ANK2: variants seen among roughly 807,000 people sequenced by gnomAD.
ANK2 encodes the protein ankyrin 2, also known as ankyrin-2.
Under a neutral mutation model 360.5 loss-of-function variants are expected in ANK2, and 83 were observed. The ratio of observed to expected loss-of-function variants is 0.23; its 90% confidence interval spans 0.19 to 0.28. ANK2 has a LOEUF of 0.28. Among genes scored for constraint, ANK2 ranks in the 10% least tolerant of loss-of-function variants. ANK2 has a pLI of 1.00. For synonymous variants in ANK2, 1,740 were observed against 1,759.5 expected (o/e 0.99, Z 0.28); for missense variants, 4,201 against 4,795.7 (o/e 0.88, Z 3.66).
the ANK2 span, among the ~76,000 whole-genome samples, chr4:112,742,676 T>G: frequency 1.3e-5 from 2 of 151,988 alleles, no homozygotes; most frequent in African/African-American, 4.8e-5. Flanking sequence ...AAAATTCCAT[T>G]ATAATCATTT....
chr4:113,285,380 A>G (rs1378732177), intron 18 of ANK2, among the ~76,000 whole-genome samples: 1 of 152,100 alleles, frequency 6.6e-6, no homozygotes, highest in Non-Finnish European at 1.5e-5. Context: ...CTGCACAGAC[A>G]CCAATCACAA....
At position 112,939,455 on chromosome 4, in the gene ANK2, G is replaced by A. The variant is rs561721712; in HGVS notation, c.21+34941G>A. ...CTCCCAAGTAGCTGGGATTACAGGCGTGTGCCACCATGCCTGGCTAATTTT... is the reference window on the plus strand; with the variant it reads ...CTCCCAAGTAGCTGGGATTACAGGCATGTGCCACCATGCCTGGCTAATTTT... On this transcript the variant is annotated intron_variant, in intron 2 of 30. Transcript: ENST00000503271. Among the ~76,000 whole-genome samples, 283 of 150,540 alleles carry A rather than the reference G, an allele frequency of 1.9e-3. 1 individual carries two copies. Among genetic ancestry groups the A allele is most frequent in the Admixed American group, 5.4e-3 (82 of 15,140 alleles).
intron 7 of ANK2, among the ~76,000 whole-genome samples, chr4:113,239,286 A>T (rs960936435): frequency 1.3e-5 from 2 of 152,182 alleles, no homozygotes; most frequent in African/African-American, 4.8e-5. Flanking sequence ...TTGCTACAGT[A>T]AGAGCACAAA....
At chr4:113,287,409 C>T (rs1250041256) in intron 18 of ANK2, among the ~76,000 whole-genome samples, 196 bp from the exon 19 acceptor site, 1 of 152,078 alleles carries the variant, frequency 6.6e-6, no homozygotes, top group East Asian at 1.9e-4. Flanking sequence ...TGTTGATTGA[C>T]TTAGAGGACA....
chr4:112,803,053 A>G, the ANK2 span, among the ~76,000 whole-genome samples: 1 of 152,178 alleles, frequency 6.6e-6, no homozygotes, highest in Non-Finnish European at 1.5e-5. Flanking sequence ...TTAGTGATTT[A>G]TATTCTCTGA....
At chr4:112,939,430 C>T (rs560249603) in intron 2 of ANK2, among the ~76,000 whole-genome samples, 9 of 152,218 alleles carry the variant, frequency 5.9e-5, no homozygotes, top group African/African-American at 1.9e-4. Context: ...CTGTCTCAGC[C>T]TCCCAAGTAG....
intron 1 of ANK2, among the ~76,000 whole-genome samples, chr4:113,100,556 A>T (rs968398639): frequency 3.3e-5 from 5 of 152,138 alleles, no homozygotes; most frequent in Admixed American, 6.6e-5. Context: ...CCACTTGGGA[A>T]ATCAACTTGG....
chr4:112,891,553 A>C (rs1379164832), intron 1 of ANK2, among the ~76,000 whole-genome samples: 2 of 152,218 alleles, frequency 1.3e-5, no homozygotes, highest in African/African-American at 4.8e-5. Context: ...AATATGGCTT[A>C]GTAGTTAGAA....
chr4:112,740,995 A>T, the ANK2 span, among the ~76,000 whole-genome samples: 73 of 141,296 alleles, frequency 5.2e-4, no homozygotes, highest in Non-Finnish European at 7.5e-4. Context: ...TCTCAAAAAA[A>T]TTTTTTTTTT....
intron 2 of ANK2, among the ~76,000 whole-genome samples, chr4:112,968,997 G>A (rs1483990798): frequency 6.6e-6 from 1 of 152,136 alleles, no homozygotes; most frequent in Non-Finnish European, 1.5e-5. Context: ...TATTCAGCTA[G>A]CCCTGTGTAT....
intron 2 of ANK2, among the ~76,000 whole-genome samples, chr4:112,984,691 T>C (rs2044263975): frequency 6.6e-6 from 1 of 152,196 alleles, no homozygotes; most frequent in African/African-American, 2.4e-5. Flanking sequence ...TAAAGAGGAA[T>C]GGATGTGTAG....
chr4:113,313,847 G>A (rs1490588867), intron 24 of ANK2, among the ~76,000 whole-genome samples: 1 of 152,120 alleles, frequency 6.6e-6, no homozygotes, highest in South Asian at 2.1e-4. Context: ...TAGAATTATG[G>A]ATTTATTCTA....
At chr4:112,894,421 A>T (rs1017353501) in intron 1 of ANK2, among the ~76,000 whole-genome samples, 5 of 152,194 alleles carry the variant, frequency 3.3e-5, no homozygotes, top group Admixed American at 3.3e-4. Flanking sequence ...ATACATACAT[A>T]TATATTATTT....
chr4:113,053,119 G>T (rs797012949), intron 1 of ANK2, among the ~76,000 whole-genome samples: 24 of 152,266 alleles, frequency 1.6e-4, no homozygotes, highest in African/African-American at 5.8e-4. Context: ...GGTCAGAGTG[G>T]CCTTGTCTGA....
chr4:113,147,384 A>G (rs1271966123), intron 1 of ANK2, among the ~76,000 whole-genome samples: 1 of 152,232 alleles, frequency 6.6e-6, no homozygotes, highest in Non-Finnish European at 1.5e-5. Flanking sequence ...AAGTATCATT[A>G]CTACTAGTTC....
At position 113,277,888 on chromosome 4, in the gene ANK2, G is replaced by T; in HGVS notation, c.1735G>T (p.Ala579Ser). The change falls in exon 16 of 46, where the codon GCA (alanine) becomes TCA (serine). Residue 579 changes from alanine (A) to serine (S), a missense_variant. By Grantham distance (99) the Ala-to-Ser change is moderately conservative. Coordinates refer to ENST00000357077, the MANE Select transcript of ANK2 (RefSeq NM_001148.6). ...VAAKYGSLDV[A>S]KLLLQRRAAA... is the part of the protein sequence containing the mutation. ...AGCCAAGTATGGAAGCCTGGATGTGGCAAAACTTCTCTTGCAACGCCGTGC... is the reference window on the plus strand; with the variant it reads ...AGCCAAGTATGGAAGCCTGGATGTGTCAAAACTTCTCTTGCAACGCCGTGC... 1 of 1,614,076 alleles carries T rather than the reference G, an allele frequency of 6.2e-7. No homozygotes were observed. The highest frequency in any genetic ancestry group is 2.2e-5 in the East Asian group (1 of 44,878).
Position 113,353,372 on chromosome 4 carries a change from G to C in ANK2, c.4754G>C (p.Arg1585Thr), listed in dbSNP as rs1217554626. 6 of 1,614,122 alleles carry C rather than the reference G, an allele frequency of 3.7e-6. No homozygotes were observed. The highest frequency in any genetic ancestry group is 5.1e-6 in the Non-Finnish European group (6 of 1,179,970). ...AGTGTGCAGAGCTCTCGGTCTGAGA[G>C]AGGATTAGTTGAAGAGGAATGGGTT... Reference protein sequence around the residue: ...ESSVQSSRSERGLVEEEWVIV... With the variant: ...ESSVQSSRSETGLVEEEWVIV... Residue 1585 changes from arginine to threonine, a missense_variant, in exon 38 of 46, where the codon AGA becomes ACA. Transcript: ENST00000357077.
In ANK2 at chr4:112,826,847, C is replaced by T. The variant is rs952478560; in HGVS notation, c.-40+8583C>T. On this transcript the variant is annotated intron_variant, in intron 1 of 30. Transcript: ENST00000503271. ...AAGTAAAAGAGAATGGAACAATATG[C>T]TTCAGGGATGAAGATGACATCAATG... is the stretch of plus-strand genomic sequence containing the variant. 9 of 1,372,352 alleles carry T rather than the reference C, an allele frequency of 6.6e-6. No individual in the cohort carries two copies. The Admixed American group carries it at 1.4e-4, about 21-fold the overall frequency. The allele number at this position is 1,372,352 out of a possible 1,614,324, so 85.0% of individuals were successfully genotyped here.
intron 1 of ANK2, among the ~76,000 whole-genome samples, chr4:113,157,025 A>G (rs2097329046): frequency 1.3e-5 from 2 of 152,044 alleles, no homozygotes; most frequent in Admixed American, 1.3e-4. Context: ...TTATACAAAT[A>G]CTTTTATGAA....
Sources: allele counts gnomAD v4.1 joint callset (sites outside exome capture counted in the v4.1 genomes callset), GRCh38; gene constraint gnomAD v4.1.1; transcripts MANE v1.5; gene names NCBI Gene and HGNC (gene_info 2026-07-23, HGNC 2026-07-21).